Variants in KCNN2 observed in about 807,000 individuals in gnomAD.
The protein encoded by KCNN2 is small conductance calcium-activated potassium channel protein 2.
A neutral mutation model predicts 55.5 loss-of-function variants in KCNN2; 24 were observed. The observed-to-expected ratio is 0.43, with a 90% confidence interval of 0.31 to 0.61. The LOEUF is 0.61. Ranked by LOEUF, KCNN2 falls within the 20% of genes least tolerant of loss-of-function variation. The pLI, the probability that KCNN2 is intolerant of heterozygous loss-of-function variation, is 0.08. For missense variants in KCNN2, 754 were observed against 853.6 expected, an observed-to-expected ratio of 0.88 and a Z score of 1.45; for synonymous variants, 431 against 336.1, an observed-to-expected ratio of 1.28 and a Z score of -3.09.
intron 6 of KCNN2, among the ~76,000 whole-genome samples, chr5:114,489,554 A>G (rs80099638): frequency 0.01 from 1,560 of 152,282 alleles, 11 homozygotes; most frequent in Middle Eastern, 0.027. Flanking sequence ...CAACTCAGAA[A>G]TGCTCTGAAT....
chr5:114,279,306 T>A (rs1755567367), intron 2 of KCNN2, among the ~76,000 whole-genome samples: 1 of 150,666 alleles, frequency 6.6e-6, no homozygotes, highest in Non-Finnish European at 1.5e-5. Flanking sequence ...TGTAATTTCT[T>A]TTTTTTTTAT....
chr5:114,291,768 C>T (rs529242705), intron 2 of KCNN2, among the ~76,000 whole-genome samples: 10 of 152,250 alleles, frequency 6.6e-5, no homozygotes, highest in East Asian at 5.8e-4. Flanking sequence ...ATCACCACAC[C>T]GACTTCCATA....
intron 2 of KCNN2, among the ~76,000 whole-genome samples, chr5:114,301,494 A>G (rs1756159100): frequency 6.6e-6 from 1 of 152,170 alleles, no homozygotes; most frequent in Non-Finnish European, 1.5e-5. Flanking sequence ...TGCTGGTGCC[A>G]TGAAACACCC....
At chr5:114,338,724 G>A (rs1357700806) in intron 2 of KCNN2, among the ~76,000 whole-genome samples, 2 of 152,150 alleles carry the variant, frequency 1.3e-5, no homozygotes, top group Non-Finnish European at 1.5e-5. Flanking sequence ...CATTATTCGT[G>A]GGTTTAGGGT....
intron 2 of KCNN2, among the ~76,000 whole-genome samples, chr5:114,274,746 G>A (rs916701701): frequency 2.0e-5 from 3 of 152,170 alleles, no homozygotes; most frequent in African/African-American, 7.2e-5. Flanking sequence ...ATGAGACGAT[G>A]GAGTTTTCTA....
intron 1 of KCNN2, among the ~76,000 whole-genome samples, chr5:114,101,721 G>A (rs1158760659): frequency 2.0e-5 from 3 of 151,990 alleles, no homozygotes; most frequent in African/African-American, 4.8e-5. Context: ...TGCTGAGAAT[G>A]ATGGTTTCCA....
At chr5:114,284,146 G>T (rs368298131) in intron 2 of KCNN2, among the ~76,000 whole-genome samples, 2 of 152,144 alleles carry the variant, frequency 1.3e-5, no homozygotes, top group African/African-American at 2.4e-5. Context: ...GAACAGGAGG[G>T]CTCTAGTTCA....
At chr5:114,396,758 G>T (rs927034325) in intron 2 of KCNN2, among the ~76,000 whole-genome samples, 2 of 152,078 alleles carry the variant, frequency 1.3e-5, no homozygotes, top group African/African-American at 4.8e-5. Flanking sequence ...TGTTGGCCAG[G>T]ATGGTCTCGA....
In KCNN2 at chr5:114,115,883, T is replaced by C. The variant is rs146299919; in HGVS notation, c.-271+59383T>C. On this transcript the variant is annotated intron_variant, in intron 1 of 10. Transcript: ENST00000512097. ...TCCTTGGTTTCTTGTTACATACATA[T>C]ATGTTGGCAGGAATTTCTTTCTTGG... Among the ~76,000 whole-genome samples the C allele has an allele frequency of 3.1e-3, 467 of 152,184 alleles. 4 individuals are homozygous for C. Among genetic ancestry groups the C allele is most frequent in the African/African-American group, 0.011 (443 of 41,522 alleles).
At chr5:114,272,373 ATG>A (rs2150008827) in intron 2 of KCNN2, among the ~76,000 whole-genome samples, 1 of 110,972 alleles carries the variant, frequency 9.0e-6, no homozygotes, top group Admixed American at 9.1e-5. Flanking sequence ...ACACACACAT[ATG>A]TATGTACATA....
At chr5:114,357,839 G>A (rs1336323301), upstream of KCNN2, among the ~76,000 whole-genome samples, 1 of 151,896 alleles carries the variant, frequency 6.6e-6, no homozygotes, top group African/African-American at 2.4e-5. Context: ...TGGGTCAAAT[G>A]GTGTTTCCAG....
At chr5:114,280,279 T>C (rs1755596860) in intron 2 of KCNN2, among the ~76,000 whole-genome samples, 1 of 152,230 alleles carries the variant, frequency 6.6e-6, no homozygotes, top group Admixed American at 6.5e-5. Flanking sequence ...TAGTTCCTTT[T>C]GCTGTGCAGA....
intron 1 of KCNN2, among the ~76,000 whole-genome samples, chr5:114,204,410 A>G (rs1753729597): frequency 6.6e-6 from 1 of 152,212 alleles, no homozygotes; most frequent in Admixed American, 6.5e-5. Context: ...TAAATTTCTC[A>G]TTTTGCGTAT....
chr5:114,182,423 A>T (rs1438866387), intron 1 of KCNN2, among the ~76,000 whole-genome samples: 1 of 152,102 alleles, frequency 6.6e-6, no homozygotes, highest in Non-Finnish European at 1.5e-5. Flanking sequence ...CACAAAAATA[A>T]CTGAAAATTA....
chr5:114,423,708 G>C (rs1398055124), intron 3 of KCNN2, among the ~76,000 whole-genome samples: 1 of 152,164 alleles, frequency 6.6e-6, no homozygotes, highest in African/African-American at 2.4e-5. Context: ...ATATGCATGT[G>C]TAAACAAACT....
At chr5:114,241,778 A>ATGTGTG (rs1561537151) in intron 2 of KCNN2, among the ~76,000 whole-genome samples, 405 of 21,962 alleles carry the variant, frequency 0.018, 88 homozygotes, top group African/African-American at 0.082. Context: ...ATATATACAT[A>ATGTGTG]TATACGTATA....
upstream of KCNN2, among the ~76,000 whole-genome samples, chr5:114,359,007 GT>G (rs1290554138): frequency 6.6e-6 from 1 of 152,108 alleles, no homozygotes; most frequent in Admixed American, 6.5e-5. Context: ...ATTATCTTGT[GT>G]TTTTTCATCA....
chr5:114,207,429 A>G (rs1753798758), intron 1 of KCNN2, among the ~76,000 whole-genome samples: 1 of 152,136 alleles, frequency 6.6e-6, no homozygotes, highest in South Asian at 2.1e-4. Context: ...GCACACATGT[A>G]TTTTCTTTGT....
intron 2 of KCNN2, among the ~76,000 whole-genome samples, chr5:114,393,161 G>A (rs1758505497): frequency 6.6e-6 from 1 of 152,074 alleles, no homozygotes. Context: ...CAAACACTGA[G>A]AGGCTTTTTA....
Sources: allele counts gnomAD v4.1 joint callset (sites outside exome capture counted in the v4.1 genomes callset), GRCh38; gene constraint gnomAD v4.1.1; transcripts MANE v1.5; gene names NCBI Gene and HGNC (gene_info 2026-07-23, HGNC 2026-07-21).